Variants in PDK2 observed in about 807,000 individuals in gnomAD.
PDK2 encodes the protein pyruvate dehydrogenase kinase, isozyme 2.
In PDK2, 34 loss-of-function variants were observed where a neutral mutation model predicts 50.4. The ratio of observed to expected loss-of-function variants is 0.68; its 90% CI spans 0.51 to 0.90. The LOEUF is 0.90. Among genes scored for constraint, PDK2 ranks in the 40% least tolerant of loss-of-function variants. The pLI, the probability that PDK2 is intolerant of heterozygous loss-of-function variation, is 0.00. For missense variants in PDK2, 377 were observed against 544.5 expected (o/e 0.69, Z 3.06); for synonymous variants, 232 against 216.0 (o/e 1.07, Z -0.65).
intron 9 of PDK2, 76 bp downstream of exon 9, chr17:50,108,795 CT>C: frequency 2.2e-6 from 2 of 891,800 alleles, no homozygotes; most frequent in Non-Finnish European, 3.6e-6. Context: ...TATCTCCCTG[CT>C]CACTCAGCTT....
At position 50,110,573 on chromosome 17, in the gene PDK2, G is replaced by A. The variant is rs1910775998; in HGVS notation, c.*476G>A. 6.5e-6 allele frequency: 1 copy of A among 152,700 alleles called. No individual in the cohort carries two copies. Among genetic ancestry groups the A allele is most frequent in the African/African-American group, 2.4e-5 (1 of 41,444 alleles). 9.5% of individuals were successfully genotyped at this position (152,700 alleles called of 1,614,324 possible). On this transcript the variant is annotated 3_prime_UTR_variant, in exon 11 of 11. Coordinates refer to ENST00000503176, the MANE Select transcript of PDK2 (RefSeq NM_002611.5). ...TGCCCTCCAGACCTGGGGACTGAGTGGGGAAAGGAGTTACACCCGTGAGTG... is the reference window on the plus strand; with the variant it reads ...TGCCCTCCAGACCTGGGGACTGAGTAGGGAAAGGAGTTACACCCGTGAGTG...
At chr17:50,102,252 G>C (rs984842234) in intron 2 of PDK2, among the ~76,000 whole-genome samples, 2 of 152,206 alleles carry the variant, frequency 1.3e-5, no homozygotes, top group African/African-American at 4.8e-5. Flanking sequence ...TTGCCCTGGA[G>C]GAGCCCTGGC....
intron 2 of PDK2, chr17:50,098,335 C>T (rs754465468): frequency 1.3e-5 from 2 of 152,152 alleles, no homozygotes; most frequent in Non-Finnish European, 2.9e-5. Context: ...GACTGAGGAG[C>T]ACGTGCCCAC....
intron 2 of PDK2, among the ~76,000 whole-genome samples, chr17:50,103,857 G>A (rs1243226623): frequency 6.6e-6 from 1 of 152,166 alleles, no homozygotes; most frequent in African/African-American, 2.4e-5. Context: ...CTAGCTATGG[G>A]GCTGCTTACG....
In PDK2 at chr17:50,101,473, A is replaced by T. The variant is rs1598209676; in HGVS notation, c.261-3898A>T. 6.6e-6 allele frequency among the ~76,000 whole-genome samples: 1 copy of T among 151,962 alleles called. No individual in the cohort carries two copies. The highest frequency in any genetic ancestry group is 2.4e-5 in the African/African-American group (1 of 41,364). On this transcript the variant is annotated intron_variant, in intron 2 of 10. Coordinates refer to ENST00000503176, the MANE Select transcript of PDK2 (RefSeq NM_002611.5). The surrounding 1 kb of genome is among the most constrained non-coding windows in gnomAD (Gnocchi z 4.2). ...GGCTCAGAGGCTCCGGAGGCGGGAC[A>T]CCGCCACCTCTCCCCCAAGTGCAGC...
At chr17:50,098,641 C>T (rs896318680) in intron 2 of PDK2, 2 of 152,196 alleles carry the variant, frequency 1.3e-5, no homozygotes, top group Non-Finnish European at 2.9e-5. Context: ...CCTAACCGAA[C>T]ACAGTTCAGT....
intron 6 of PDK2, 49 bp downstream of exon 6, chr17:50,107,202 G>A (rs1157082377): frequency 6.8e-7 from 1 of 1,477,544 alleles, no homozygotes; most frequent in Admixed American, 1.7e-5. Flanking sequence ...TGGGGACGTG[G>A]CAGGGCAAGG....
Position 50,109,177 on chromosome 17 carries a change from C to T in PDK2, c.970-110C>T. On this transcript the variant is annotated intron_variant, in intron 9 of 10. Transcript: ENST00000503176. The surrounding 1 kb of genome is among the most constrained non-coding windows in gnomAD (Gnocchi z 5.0). ...CATGTCCCCTCCCAGCTCTGGGACC[C>T]CTGCCATGTGACCCCAGCTCCACAC... The T allele has an allele frequency of 1.6e-6, 1 of 642,878 alleles. No homozygotes were observed. The highest frequency in any genetic ancestry group is 2.7e-6 in the Non-Finnish European group (1 of 368,058). 39.8% of individuals were successfully genotyped at this position (642,878 alleles called of 1,614,324 possible).
At chr17:50,105,092 T>A (rs1261472420) in intron 2 of PDK2, among the ~76,000 whole-genome samples, 1 of 152,156 alleles carries the variant, frequency 6.6e-6, no homozygotes, top group African/African-American at 2.4e-5. Context: ...GATGGGATCA[T>A]CTCCAAGCCC....
intron 2 of PDK2, chr17:50,098,343 C>A (rs2144347068): frequency 6.6e-6 from 1 of 152,208 alleles, no homozygotes; most frequent in East Asian, 1.9e-4. Context: ...AGCACGTGCC[C>A]ACATGTATTC....
chr17:50,106,024 T>A lies in PDK2; in HGVS notation c.472T>A (p.Phe158Ile), dbSNP rs1250649891. 1 of 1,609,392 alleles carries A rather than the reference T, an allele frequency of 6.2e-7. No homozygotes were observed. The highest frequency in any genetic ancestry group is 8.5e-7 in the Non-Finnish European group (1 of 1,178,068). The stretch of plus-strand genomic sequence containing the variant: ...GAACATCCAGTACTTCCTGGACCGC[T>A]TCTACCTCAGCCGCATCTCCATCCG... Reference protein sequence around the residue: ...NQNIQYFLDRFYLSRISIRML... With the variant: ...NQNIQYFLDRIYLSRISIRML... The change falls in exon 4 of 11, where the codon TTC (phenylalanine) becomes ATC (isoleucine). Residue 158 changes from phenylalanine to isoleucine, a missense_variant. Physicochemically the swap from Phe to Ile is conservative, Grantham distance 21 (BLOSUM62 0). Around this residue, in one of 3 missense-constraint regions of PDK2, gnomAD observed 63 missense variants for 135.1 expected, o/e 0.47. Transcript: ENST00000503176.
chr17:50,102,189 C>T lies in PDK2; in HGVS notation c.261-3182C>T, dbSNP rs150863439. ...GGGGCTTCAGGGCAAGGCCAGGGAC[C>T]TCGGGGAAAATCCTCATCCTCTCCC... On this transcript the variant is annotated intron_variant, in intron 2 of 10. Transcript: ENST00000503176. Among the ~76,000 whole-genome samples the T allele has an allele frequency of 4.9e-3, 748 of 152,326 alleles. 6 individuals carry two copies. The highest frequency in any genetic ancestry group is 5.7e-3 in the Non-Finnish European group (391 of 68,020).
At chr17:50,106,337 G>A in intron 4 of PDK2, 1 of 827,930 alleles carries the variant, frequency 1.2e-6, no homozygotes, top group Admixed American at 3.4e-5. Context: ...GTTTAATTTA[G>A]TATTTATAAA....
Position 50,110,136 on chromosome 17 carries a change from G to T in PDK2, c.*39G>T. 6.5e-7 allele frequency: 1 copy of T among 1,543,510 alleles called. No homozygotes were observed. On this transcript the variant is annotated 3_prime_UTR_variant, in exon 11 of 11. Transcript: ENST00000503176. ...TCTGCACCTGAGAGGACGGACTGCC[G>T]CCTCTGGGTCCCCCCACCGTGGTGC... is the stretch of plus-strand genomic sequence containing the variant.
At position 50,109,149 on chromosome 17, in the gene PDK2, C is replaced by T. The variant is rs1910683763; in HGVS notation, c.970-138C>T. 4 of 600,564 alleles carry T rather than the reference C, an allele frequency of 6.7e-6. No individual in the cohort carries two copies. Among genetic ancestry groups the T allele is most frequent in the African/African-American group, 3.7e-5 (2 of 53,516 alleles). The allele number at this position is 600,564 out of a possible 1,614,324, so 37.2% of individuals were successfully genotyped here. ...ACACTTCTTACCTCAGTGTCCCCTC[C>T]CACATGTCCCCTCCCAGCTCTGGGA... On this transcript the variant is annotated intron_variant, in intron 9 of 10. Coordinates refer to ENST00000503176, the MANE Select transcript of PDK2 (RefSeq NM_002611.5). The surrounding 1 kb of genome is among the most constrained non-coding windows in gnomAD (Gnocchi z 5.0).
Position 50,108,703 on chromosome 17 carries a change from C to G in PDK2, c.953C>G (p.Thr318Ser). The G allele has an allele frequency of 6.2e-7, 1 of 1,611,680 alleles. No homozygotes were observed. Among genetic ancestry groups the G allele is most frequent in the Non-Finnish European group, 8.5e-7 (1 of 1,178,620 alleles). Residue 318 changes from threonine to serine, a missense_variant, in exon 9 of 11, where the codon ACC becomes AGC. Coordinates refer to ENST00000503176, the MANE Select transcript of PDK2 (RefSeq NM_002611.5). Reference protein sequence around the residue: ...YSTAPTPQPGTGGTPLAGFGY... With the variant: ...YSTAPTPQPGSGGTPLAGFGY... ...ACAGCACCCACCCCCCAGCCTGGCA[C>G]CGGGGGAACGCCGCTGGTGAGATGG...
chr17:50,099,649 C>T (rs530180564), intron 2 of PDK2, among the ~76,000 whole-genome samples: 12 of 152,278 alleles, frequency 7.9e-5, no homozygotes, highest in South Asian at 2.1e-4. Flanking sequence ...AAAAATTAGC[C>T]GGGCGCGGTG....
At chr17:50,099,943 G>C (rs1412481852) in intron 2 of PDK2, among the ~76,000 whole-genome samples, 1 of 152,250 alleles carries the variant, frequency 6.6e-6, no homozygotes, top group Non-Finnish European at 1.5e-5. Context: ...GTGAAGACAA[G>C]AAGGACTTCC....
intron 1 of PDK2, 108 bp downstream of exon 1, chr17:50,095,661 A>G: frequency 2.0e-6 from 3 of 1,482,504 alleles, no homozygotes; most frequent in Non-Finnish European, 2.7e-6. Context: ...GTGACAGAGA[A>G]GGGTTGTTTG....
Sources: gnomAD v4.1 joint callset for allele counts (sites outside exome capture counted in the v4.1 genomes callset) on GRCh38, gnomAD v4.1.1 for gene constraint, gnomAD v4.1.1 regional missense constraint, Gnocchi (gnomAD v3.1) non-coding constraint, MANE v1.5 for transcripts, NCBI Gene and HGNC (gene_info 2026-07-23, HGNC 2026-07-21) for gene names.